The following KCND2 variants were observed in gnomAD, a reference collection of about 807,000 sequenced individuals.
KCND2 encodes potassium voltage-gated channel subfamily D member 2.
A neutral mutation model predicts 54.4 loss-of-function variants in KCND2; 16 were observed. The observed-to-expected ratio is 0.29, with a 90% confidence interval of 0.20 to 0.45. The LOEUF is 0.45. Among genes scored for constraint, KCND2 ranks in the 20% least tolerant of loss-of-function variants. The pLI, the probability that KCND2 is intolerant of heterozygous loss-of-function variation, is 1.00. For synonymous variants in KCND2, 317 were observed against 310.7 expected (o/e 1.02, Z -0.21); for missense variants, 486 against 824.2 (o/e 0.59, Z 5.02).
intron 1 of KCND2, among the ~76,000 whole-genome samples, chr7:120,420,764 T>A (rs1034930009): frequency 5.3e-5 from 8 of 152,134 alleles, no homozygotes; most frequent in African/African-American, 1.9e-4. Flanking sequence ...TCAAACTTTT[T>A]AAGAAATTAT....
chr7:120,712,334 G>A (rs1792551519), intron 1 of KCND2, among the ~76,000 whole-genome samples: 1 of 123,444 alleles, frequency 8.1e-6, no homozygotes, highest in African/African-American at 3.2e-5. Context: ...CGTGATCTTG[G>A]CTCACTGCAA....
chr7:120,299,017 G>A (rs1055297084), intron 1 of KCND2, among the ~76,000 whole-genome samples: 1 of 152,118 alleles, frequency 6.6e-6, no homozygotes. Context: ...AAAATTAGCA[G>A]GGGGCAGTGG....
intron 1 of KCND2, among the ~76,000 whole-genome samples, chr7:120,571,816 G>T (rs1157188295): frequency 6.6e-6 from 1 of 152,110 alleles, no homozygotes; most frequent in Non-Finnish European, 1.5e-5. Context: ...TCAGATATTT[G>T]TACTCTAAAC....
At chr7:120,330,254 T>C (rs1490045421) in intron 1 of KCND2, among the ~76,000 whole-genome samples, 1 of 152,048 alleles carries the variant, frequency 6.6e-6, no homozygotes, top group East Asian at 1.9e-4. Flanking sequence ...AATGAACTAA[T>C]CTATCTTAAA....
At chr7:120,570,631 C>A (rs1792353899) in intron 1 of KCND2, among the ~76,000 whole-genome samples, 1 of 152,046 alleles carries the variant, frequency 6.6e-6, no homozygotes, top group Admixed American at 6.6e-5. Flanking sequence ...TCATCATATC[C>A]TCTTCTATAC....
chr7:120,603,690 T>C (rs1584850207), intron 1 of KCND2, among the ~76,000 whole-genome samples: 1 of 152,300 alleles, frequency 6.6e-6, no homozygotes, highest in East Asian at 1.9e-4. Flanking sequence ...AAACATCATA[T>C]CCCAGCCTTC....
chr7:120,721,671 C>T (rs142182626), intron 1 of KCND2, among the ~76,000 whole-genome samples: 166 of 152,224 alleles, frequency 1.1e-3, no homozygotes, highest in African/African-American at 3.6e-3. Flanking sequence ...TTACATGAAG[C>T]ATCATCACAT....
At chr7:120,629,323 T>A (rs572809542) in intron 1 of KCND2, among the ~76,000 whole-genome samples, 92 of 152,122 alleles carry the variant, frequency 6.0e-4, no homozygotes, top group African/African-American at 2.1e-3. Flanking sequence ...CCGTCTCTAC[T>A]AAAATACAAA....
chr7:120,403,482 ATTTT>A (rs528759246), intron 1 of KCND2, among the ~76,000 whole-genome samples: 4 of 130,926 alleles, frequency 3.1e-5, no homozygotes, highest in Admixed American at 7.8e-5. Flanking sequence ...GGCCCGGCTA[ATTTT>A]TTTTTTTTTT....
chr7:120,284,917 G>A (rs1293412505), intron 1 of KCND2, among the ~76,000 whole-genome samples: 1 of 152,020 alleles, frequency 6.6e-6, no homozygotes, highest in Non-Finnish European at 1.5e-5. Context: ...AGGTCTAAAA[G>A]TTTCCCCATG....
At chr7:120,478,688 A>C (rs1475563315) in intron 1 of KCND2, among the ~76,000 whole-genome samples, 1 of 152,128 alleles carries the variant, frequency 6.6e-6, no homozygotes, top group Non-Finnish European at 1.5e-5. Context: ...ACTGAGTTGA[A>C]GTAAAAAGCC....
chr7:120,533,035 A>G (rs1011696492), intron 1 of KCND2, among the ~76,000 whole-genome samples: 2 of 151,822 alleles, frequency 1.3e-5, no homozygotes, highest in Middle Eastern at 3.2e-3. Flanking sequence ...TCTGTAGTTA[A>G]TTTTTTTTGT....
intron 1 of KCND2, among the ~76,000 whole-genome samples, chr7:120,550,030 T>G (rs1012115702): frequency 6.6e-6 from 1 of 152,048 alleles, no homozygotes; most frequent in Admixed American, 6.6e-5. Flanking sequence ...CTCCTCCAAG[T>G]GCAGAGCCAA....
At chr7:120,442,436 T>C (rs1481851661) in intron 1 of KCND2, among the ~76,000 whole-genome samples, 1 of 151,860 alleles carries the variant, frequency 6.6e-6, no homozygotes, top group East Asian at 1.9e-4. Context: ...TTTTCTTTAA[T>C]TGAGGAAGAA....
At chr7:120,654,396 T>G (rs1156566363) in intron 1 of KCND2, among the ~76,000 whole-genome samples, 1 of 152,208 alleles carries the variant, frequency 6.6e-6, no homozygotes, top group African/African-American at 2.4e-5. Context: ...TTGTTGCAAT[T>G]TATATGGAAA....
intron 1 of KCND2, among the ~76,000 whole-genome samples, chr7:120,452,472 AC>A (rs897954651): frequency 6.6e-6 from 1 of 152,140 alleles, no homozygotes; most frequent in African/African-American, 2.4e-5. Context: ...GAGGGAAGGC[AC>A]TGGGAGTGGA....
chr7:120,689,509 A>T (rs901448804), intron 1 of KCND2, among the ~76,000 whole-genome samples: 2 of 152,214 alleles, frequency 1.3e-5, no homozygotes, highest in Admixed American at 1.3e-4. Context: ...ATTTAAACCT[A>T]ATATTTACTT....
chr7:120,552,410 G>A (rs980770584), intron 1 of KCND2, among the ~76,000 whole-genome samples: 2 of 152,162 alleles, frequency 1.3e-5, no homozygotes, highest in African/African-American at 4.8e-5. Context: ...TCTGGGTTCT[G>A]TAACAAAATG....
intron 1 of KCND2, among the ~76,000 whole-genome samples, chr7:120,632,649 T>C (rs148540950): frequency 0.011 from 1,606 of 152,324 alleles, 8 homozygotes; most frequent in Non-Finnish European, 0.015. Context: ...ATTTATTTGT[T>C]GTTCTCTATG....
Sources: allele counts gnomAD v4.1 joint callset (sites outside exome capture counted in the v4.1 genomes callset), GRCh38; gene constraint gnomAD v4.1.1; transcripts MANE v1.5; gene names NCBI Gene and HGNC (gene_info 2026-07-23, HGNC 2026-07-21).